KLB: variants seen among roughly 807,000 people sequenced by gnomAD.
The protein encoded by KLB is beta-klotho.
KLB carries 44 observed loss-of-function variants against 88.4 expected under a neutral mutation model. The observed-to-expected ratio is 0.50, with a 90% confidence interval of 0.39 to 0.64. The LOEUF is 0.64. KLB is among the 30% of genes least tolerant of loss of function. The probability of loss-of-function intolerance (pLI) is 0.00; values close to 1 mark genes in which losing one functional copy is unlikely to be tolerated. For synonymous variants in KLB, 548 were observed against 513.4 expected, an observed-to-expected ratio of 1.07 and a Z score of -0.91; for missense variants, 1,137 against 1,304.8, an observed-to-expected ratio of 0.87 and a Z score of 1.98.
intron 1 of KLB, among the ~76,000 whole-genome samples, chr4:39,410,027 G>T (rs1742806264): frequency 6.6e-6 from 1 of 152,140 alleles, no homozygotes; most frequent in African/African-American, 2.4e-5. Context: ...CCAGGCCAAG[G>T]ACGCTACTGT....
At chr4:39,417,304 TTTTGTTTGTTTG>T (rs202029882) in intron 1 of KLB, among the ~76,000 whole-genome samples, 6 of 151,902 alleles carry the variant, frequency 3.9e-5, no homozygotes, top group Non-Finnish European at 8.8e-5. Flanking sequence ...AAAAGTGGTT[TTTTGTTTGTTTG>T]TTTGTTTGTT....
chr4:39,430,875 G>C (rs1311531563), intron 1 of KLB, among the ~76,000 whole-genome samples: 4 of 150,760 alleles, frequency 2.7e-5, no homozygotes, highest in Non-Finnish European at 1.5e-5. Flanking sequence ...CTCCCAAAGA[G>C]CTGAGATTAC....
Position 39,407,024 on chromosome 4 carries a change from C to T in KLB, c.75C>T (p.Arg25=), listed in dbSNP as rs765369337. ...IFFSTDEITT[R]YRNTMSNGGL... Reference sequence around the variant, plus strand: ...TCAGCACTGATGAAATAACCACACGCTATAGGAATACAATGTCCAACGGGG... The same window carrying T: ...TCAGCACTGATGAAATAACCACACGTTATAGGAATACAATGTCCAACGGGG... The change falls in exon 1 of 5, where the codon CGC becomes CGT. Residue 25 remains arginine, a synonymous_variant. Transcript: ENST00000257408. 6 of 1,614,092 alleles carry T rather than the reference C, an allele frequency of 3.7e-6. No individual in the cohort carries two copies. The highest frequency in any genetic ancestry group is 5.1e-6 in the Non-Finnish European group (6 of 1,179,986).
intron 1 of KLB, among the ~76,000 whole-genome samples, chr4:39,416,788 T>C (rs1277612233): frequency 6.6e-6 from 1 of 151,996 alleles, no homozygotes; most frequent in East Asian, 1.9e-4. Flanking sequence ...TCTCAAAAAG[T>C]AAATAATAAA....
intron 2 of KLB, 107 bp downstream of exon 2, chr4:39,434,827 A>G (rs1250353834): frequency 2.2e-6 from 2 of 890,962 alleles, no homozygotes; most frequent in South Asian, 1.8e-5. Flanking sequence ...TTTTTTTTGA[A>G]ACGGAGTTTC....
At chr4:39,433,677 T>C (rs1462992376) in intron 1 of KLB, among the ~76,000 whole-genome samples, 1 of 152,092 alleles carries the variant, frequency 6.6e-6, no homozygotes, top group Non-Finnish European at 1.5e-5. Context: ...CTGACCAATA[T>C]GGTGAAACCC....
intron 1 of KLB, among the ~76,000 whole-genome samples, chr4:39,426,413 T>TA (rs869183002): frequency 0.06 from 3,957 of 65,422 alleles, 147 homozygotes; most frequent in Middle Eastern, 0.098. Context: ...GACTCCTATC[T>TA]AAAAAAAAAA....
At chr4:39,443,472 C>T (rs752760404) in intron 3 of KLB, among the ~76,000 whole-genome samples, 4 of 151,800 alleles carry the variant, frequency 2.6e-5, no homozygotes, top group South Asian at 2.1e-4. Context: ...TGGCCAGGCT[C>T]GATGGCTCAC....
At chr4:39,426,894 G>A (rs937651624) in intron 1 of KLB, among the ~76,000 whole-genome samples, 1 of 151,916 alleles carries the variant, frequency 6.6e-6, no homozygotes, top group Admixed American at 6.6e-5. Context: ...TCACTATATT[G>A]CCCAGTCTGG....
intron 1 of KLB, among the ~76,000 whole-genome samples, chr4:39,427,205 G>A (rs559137549): frequency 6.6e-6 from 1 of 152,084 alleles, no homozygotes. Flanking sequence ...GCTTGAGGCC[G>A]GACGCGGTGG....
At chr4:39,422,015 G>A (rs1463078315) in intron 1 of KLB, among the ~76,000 whole-genome samples, 2 of 152,130 alleles carry the variant, frequency 1.3e-5, no homozygotes, top group African/African-American at 4.8e-5. Context: ...CAAAGTGTTG[G>A]AATTACAGGC....
intron 1 of KLB, among the ~76,000 whole-genome samples, chr4:39,423,280 G>A (rs1313767688): frequency 1.3e-5 from 2 of 151,756 alleles, no homozygotes; most frequent in Non-Finnish European, 2.9e-5. Flanking sequence ...ACAACTAATG[G>A]TTTTCTGAAC....
chr4:39,451,320 A>G lies in KLB; in HGVS notation c.*2634A>G, dbSNP rs1451590929. 3 of 152,250 alleles carry G rather than the reference A, an allele frequency of 2.0e-5. No individual in the cohort carries two copies. Among genetic ancestry groups the G allele is most frequent in the Non-Finnish European group, 4.4e-5 (3 of 68,048 alleles). The allele number at this position is 152,250 out of a possible 1,614,324, so 9.4% of individuals were successfully genotyped here. Reference sequence around the variant, plus strand: ...AAACTGATAACTCTTGAAAGGAGCAAACAGGTAAGATCTTTGGAGTTTAAG... The same window carrying G: ...AAACTGATAACTCTTGAAAGGAGCAGACAGGTAAGATCTTTGGAGTTTAAG... On this transcript the variant is annotated 3_prime_UTR_variant, in exon 5 of 5. Transcript: ENST00000257408.
At chr4:39,447,534 A>C in intron 4 of KLB, 59 bp downstream of exon 4, 1 of 1,389,668 alleles carries the variant, frequency 7.2e-7, no homozygotes, top group South Asian at 1.4e-5. Flanking sequence ...CCTGACAAGA[A>C]CAAAGAATGG....
chr4:39,446,741 C>T lies in KLB; in HGVS notation c.2015C>T (p.Ala672Val). Residue 672 changes from alanine (A) to valine (V), a missense_variant, in exon 4 of 5, where the codon GCC becomes GTC. Physicochemically the swap from Ala to Val is moderately conservative, Grantham distance 64. Transcript: ENST00000257408. This position sits in a 1 kb window ranked among gnomAD's most constrained non-coding sequence, Gnocchi z 6.4. ...LNPSTAEAFQ[A>V]YAGLCFQELG... ...CCATCGACGGCCGAGGCCTTCCAGG[C>T]CTACGCTGGGCTGTGCTTCCAGGAG... 2.5e-6 allele frequency: 4 copies of T among 1,605,834 alleles called. No individual in the cohort carries two copies. Among genetic ancestry groups the T allele is most frequent in the Non-Finnish European group, 3.4e-6 (4 of 1,175,640 alleles).
chr4:39,441,007 C>T (rs1033154525), intron 3 of KLB, among the ~76,000 whole-genome samples: 1 of 152,182 alleles, frequency 6.6e-6, no homozygotes, highest in Non-Finnish European at 1.5e-5. Context: ...AGGTGCCTGT[C>T]ACCATGCCCA....
At chr4:39,437,619 C>T (rs1378804520) in intron 2 of KLB, 108 bp from the exon 3 acceptor site, 3 of 1,292,316 alleles carry the variant, frequency 2.3e-6, no homozygotes, top group Non-Finnish European at 3.2e-6. Flanking sequence ...AAAATTAGGG[C>T]AAAGGTTCGT....
intron 1 of KLB, among the ~76,000 whole-genome samples, chr4:39,429,638 A>C (rs2109831694): frequency 1.3e-5 from 2 of 152,328 alleles, no homozygotes; most frequent in South Asian, 4.1e-4. Context: ...GCTTTGTACA[A>C]ATTAGAGGGT....
intron 3 of KLB, among the ~76,000 whole-genome samples, chr4:39,444,578 A>G (rs571632869): frequency 6.6e-6 from 1 of 152,294 alleles, no homozygotes; most frequent in East Asian, 1.9e-4. Flanking sequence ...TAGAAAATTA[A>G]CCTCTTAGCA....
Sources: allele counts gnomAD v4.1 joint callset (sites outside exome capture counted in the v4.1 genomes callset), GRCh38; gene constraint gnomAD v4.1.1; non-coding constraint Gnocchi (gnomAD v3.1); transcripts MANE v1.5; gene names NCBI Gene and HGNC (gene_info 2026-07-23, HGNC 2026-07-21).